The following PRKG1 variants were observed in gnomAD, a reference collection of about 807,000 sequenced individuals.
PRKG1 encodes cGMP-dependent protein kinase 1.
Under a neutral mutation model 88.1 loss-of-function variants are expected in PRKG1, and 35 were observed. The ratio of observed to expected loss-of-function variants is 0.40; its 90% CI spans 0.30 to 0.53. The LOEUF is 0.53. Ranked by LOEUF, PRKG1 falls within the 20% of genes least tolerant of loss-of-function variation. The probability of loss-of-function intolerance (pLI) is 0.59; values close to 1 mark genes in which losing one functional copy is unlikely to be tolerated. For missense variants in PRKG1, 540 were observed against 839.8 expected (o/e 0.64, Z 4.41); for synonymous variants, 303 against 292.5 (o/e 1.04, Z -0.37).
chr10:51,610,098 G>A lies in PRKG1; in HGVS notation c.592+142262G>A, dbSNP rs150964124. Among the ~76,000 whole-genome samples, 44 of 152,118 alleles carry A rather than the reference G, an allele frequency of 2.9e-4. 1 individual carries two copies. In the East Asian group the frequency reaches 7.9e-3, roughly 27 times the overall value. On this transcript the variant is annotated intron_variant, in intron 3 of 17. Coordinates refer to ENST00000373980, the MANE Select transcript of PRKG1 (RefSeq NM_006258.4). ...ATAATGATTAAGTCAGGACATTTAG[G>A]GTATCTATCACATGAGCATCATTTG...
chr10:52,252,320 C>A (rs548183678), intron 10 of PRKG1: 5 of 151,974 alleles, frequency 3.3e-5, no homozygotes, highest in Admixed American at 1.3e-4. Flanking sequence ...AATATGAAAA[C>A]GTACTCTACT....
At chr10:51,285,809 C>T (rs949616697) in intron 2 of PRKG1, among the ~76,000 whole-genome samples, 2 of 152,060 alleles carry the variant, frequency 1.3e-5, no homozygotes, top group Non-Finnish European at 2.9e-5. Context: ...GTTCTGAAGC[C>T]GTCCCCCGCT....
intron 3 of PRKG1, among the ~76,000 whole-genome samples, chr10:51,563,400 T>A (rs1461265241): frequency 6.6e-6 from 1 of 152,172 alleles, no homozygotes; most frequent in African/African-American, 2.4e-5. Context: ...AAACACTATG[T>A]ACCCCATGAA....
chr10:51,296,636 A>G (rs1032278818), intron 2 of PRKG1, among the ~76,000 whole-genome samples: 1 of 151,766 alleles, frequency 6.6e-6, no homozygotes, highest in Non-Finnish European at 1.5e-5. Context: ...ACTCTTGTTT[A>G]TGGATTTTTT....
chr10:51,317,207 AT>A (rs1337248276), intron 2 of PRKG1, among the ~76,000 whole-genome samples: 1 of 151,266 alleles, frequency 6.6e-6, no homozygotes, highest in Admixed American at 6.6e-5. Flanking sequence ...ACACCCAACT[AT>A]TGCTGAATTT....
chr10:51,944,627 T>C (rs1270760287), intron 5 of PRKG1, among the ~76,000 whole-genome samples: 2 of 152,202 alleles, frequency 1.3e-5, no homozygotes, highest in Admixed American at 1.3e-4. Context: ...CTGCTTTGAA[T>C]GTGTCCCAGA....
chr10:52,159,729 G>C (rs569493331), intron 8 of PRKG1, among the ~76,000 whole-genome samples: 2 of 151,654 alleles, frequency 1.3e-5, no homozygotes, highest in African/African-American at 4.8e-5. Context: ...CCTGTTTAAA[G>C]TGTCCTTAAT....
At chr10:51,032,314 G>C (rs1224304822) in intron 1 of PRKG1, among the ~76,000 whole-genome samples, 1 of 150,522 alleles carries the variant, frequency 6.6e-6, no homozygotes, top group Non-Finnish European at 1.5e-5. Context: ...ACCCCCAAAG[G>C]TCTCTTGGCA....
intron 7 of PRKG1, among the ~76,000 whole-genome samples, chr10:52,089,901 G>A (rs930690885): frequency 5.9e-5 from 8 of 135,176 alleles, no homozygotes; most frequent in African/African-American, 1.9e-4. Flanking sequence ...TGCAACCTCT[G>A]CCTGCCACGT....
chr10:51,991,635 G>GT (rs1478431332), intron 5 of PRKG1, among the ~76,000 whole-genome samples: 1 of 152,064 alleles, frequency 6.6e-6, no homozygotes, highest in Non-Finnish European at 1.5e-5. Context: ...GCAGTGTTTG[G>GT]TTTTTTGTCT....
At chr10:52,245,363 C>T (rs563858215) in intron 9 of PRKG1, among the ~76,000 whole-genome samples, 2 of 152,156 alleles carry the variant, frequency 1.3e-5, no homozygotes, top group South Asian at 4.1e-4. Context: ...ATACTTATTA[C>T]TTAAGTGTAT....
At chr10:51,378,571 C>G (rs1842859817) in intron 2 of PRKG1, among the ~76,000 whole-genome samples, 1 of 152,152 alleles carries the variant, frequency 6.6e-6, no homozygotes, top group South Asian at 2.1e-4. Flanking sequence ...CATAAAACCT[C>G]TAACCTCTAT....
At chr10:51,905,283 G>A (rs1003325869) in intron 4 of PRKG1, among the ~76,000 whole-genome samples, 2 of 152,144 alleles carry the variant, frequency 1.3e-5, no homozygotes, top group Admixed American at 6.6e-5. Context: ...ATGGTCCTGG[G>A]TGAATTGTTA....
chr10:51,769,324 T>C (rs756880319), intron 3 of PRKG1, among the ~76,000 whole-genome samples: 13 of 152,234 alleles, frequency 8.5e-5, no homozygotes, highest in Non-Finnish European at 1.6e-4. Context: ...TTCAGCTGTC[T>C]AGCCTACTAC....
chr10:52,281,557 GT>G (rs1842003724), intron 13 of PRKG1, among the ~76,000 whole-genome samples: 1 of 151,918 alleles, frequency 6.6e-6, no homozygotes, highest in African/African-American at 2.4e-5. Flanking sequence ...CAACCAAATC[GT>G]TTTAGAAAAA....
chr10:51,067,661 A>T (rs973217907), intron 1 of PRKG1, among the ~76,000 whole-genome samples: 2 of 151,968 alleles, frequency 1.3e-5, no homozygotes, highest in Non-Finnish European at 2.9e-5. Flanking sequence ...TTCCATAATG[A>T]CTCTCTACAT....
At chr10:51,348,224 T>C (rs1165174307) in intron 2 of PRKG1, among the ~76,000 whole-genome samples, 1 of 152,188 alleles carries the variant, frequency 6.6e-6, no homozygotes, top group Non-Finnish European at 1.5e-5. Flanking sequence ...TCAAGTTTAC[T>C]CTGTACCTTA....
chr10:51,658,614 TATAAGC>T (rs1337956711), intron 3 of PRKG1, among the ~76,000 whole-genome samples: 2 of 152,146 alleles, frequency 1.3e-5, no homozygotes, highest in Admixed American at 1.3e-4. Flanking sequence ...ATTCTTCATC[TATAAGC>T]ATAACTCGTA....
intron 3 of PRKG1, among the ~76,000 whole-genome samples, chr10:51,545,236 G>C (rs1842418632): frequency 1.3e-5 from 2 of 152,004 alleles, no homozygotes; most frequent in African/African-American, 2.4e-5. Context: ...CCTGCAATCA[G>C]CCCTCATATA....
Sources: allele counts gnomAD v4.1 joint callset (sites outside exome capture counted in the v4.1 genomes callset), GRCh38; gene constraint gnomAD v4.1.1; transcripts MANE v1.5; gene names NCBI Gene and HGNC (gene_info 2026-07-23, HGNC 2026-07-21).